FLG: variants seen among roughly 807,000 people sequenced by gnomAD.
FLG encodes epidermal filaggrin.
In FLG, 6 loss-of-function variants were observed where a neutral mutation model predicts 3.8. The ratio of observed to expected loss-of-function variants is 1.60; its 90% CI spans 0.87 to 3.15. FLG has a LOEUF of 3.15. FLG is among the 30% of genes most tolerant of loss of function. The probability of loss-of-function intolerance (pLI) is 0.00; values close to 1 mark genes in which losing one functional copy is unlikely to be tolerated. For missense variants in FLG, 7,595 were observed against 5,050.9 expected (o/e 1.50, Z -15.27); for synonymous variants, 2,551 against 1,931.6 (o/e 1.32, Z -8.41).
In FLG at chr1:152,310,678, TCTGAATGTCC is replaced by T. The variant is rs1652343052; in HGVS notation, c.4198_4207del (p.Gly1400LysfsTer43). On this transcript the variant is annotated frameshift_variant, in exon 3 of 3. Coordinates refer to ENST00000368799, the MANE Select transcript of FLG (RefSeq NM_002016.2). LOFTEE classifies it low-confidence loss of function (END_TRUNC). ...TGACACTGACTGTGTGTCTGAGTCT[TCTGAATGTCC>T]CTCACTGTTAGTGACCTGACTACCA... is the stretch of plus-strand genomic sequence containing the variant. 1 of 1,613,958 alleles carries T rather than the reference TCTGAATGTCC, an allele frequency of 6.2e-7. No homozygotes were observed. The highest frequency in any genetic ancestry group is 8.5e-7 in the Non-Finnish European group (1 of 1,180,030).
At position 152,306,380 on chromosome 1, in the gene FLG, T is replaced by G. The variant is rs11582087; in HGVS notation, c.8506A>C (p.Ser2836Arg). 196,781 of 1,512,456 alleles carry G rather than the reference T, an allele frequency of 0.13. 4 individuals carry two copies. The highest frequency in any genetic ancestry group is 0.39 in the East Asian group (16,285 of 41,436). 93.7% of individuals were successfully genotyped at this position (1,512,456 alleles called of 1,614,324 possible). A position where few individuals can be genotyped will look rare whatever the true frequency, so the allele number is the denominator to read the frequency against. The change falls in exon 3 of 3, where the codon AGT (serine) becomes CGT (arginine). Residue 2836 changes from serine (S) to arginine (R), a missense_variant. Physicochemically the swap from Ser to Arg is moderately radical, Grantham distance 110. Transcript: ENST00000368799. The stretch of plus-strand genomic sequence containing the variant: ...TCATTACGTGTTGTTCTGCTTGCAC[T>G]TCTGGATCCTGACTGCCCACGGGAG... ...DASRGQSGSR[S>R]ASRTTRNEEQ...
rs772459454 is a variant in FLG, at chr1:152,304,316, C to A, written c.10570G>T (p.Gly3524Ter). The A allele has an allele frequency of 5.0e-6, 8 of 1,611,574 alleles. No individual in the cohort carries two copies. Among genetic ancestry groups the A allele is most frequent in the Non-Finnish European group, 5.9e-6 (7 of 1,178,908 alleles). Residue 3524 changes from glycine (G) to a stop codon, truncating the protein, a stop_gained, in exon 3 of 3, where the codon GGA becomes TGA. Coordinates refer to ENST00000368799, the MANE Select transcript of FLG (RefSeq NM_002016.2). LOFTEE classifies it low-confidence loss of function (END_TRUNC). Reference protein sequence around the residue: ...DSSRHSQSGQGQSAGPRTSRN... With the variant: ...DSSRHSQSGQ The stretch of plus-strand genomic sequence containing the variant: ...CTTGTCCTGGGCCCCGCTGATTGTC[C>A]CTGGCCGGACTGTGAGTGTCTAGAG...
chr1:152,307,658 G>C lies in FLG; in HGVS notation c.7228C>G (p.Arg2410Gly). 1.9e-6 allele frequency: 3 copies of C among 1,613,400 alleles called. No individual in the cohort carries two copies. Among genetic ancestry groups the C allele is most frequent in the South Asian group, 2.2e-5 (2 of 91,016 alleles). Residue 2410 changes from arginine (R) to glycine (G), a missense_variant, in exon 3 of 3, where the codon CGT (arginine) becomes GGT (glycine). Arg to Gly is a moderately radical substitution (Grantham distance 125). Transcript: ENST00000368799. ...ACCTGGTAGAGGAAAGACCCTGAAC[G>C]TCCAGACCTTCCTGCTGACCGGCCA... ...TRGRSAGRSG[R>G]SGSFLYQVST...
At position 152,311,406 on chromosome 1, in the gene FLG, C is replaced by T; in HGVS notation, c.3480G>A (p.Glu1160=). ...RDSSRHSASQ[E]GQDTIRAHPG... is the part of the protein sequence containing the mutation. ...GGTGTGCACGAATGGTGTCCTGACC[C>T]TCTTGGGACGCTGAGTGCCTGGAGC... Residue 1160 remains glutamate (E), a synonymous_variant, in exon 3 of 3, where the codon GAG becomes GAA. Transcript: ENST00000368799. 1 of 1,613,508 alleles carries T rather than the reference C, an allele frequency of 6.2e-7. No individual in the cohort carries two copies. The highest frequency in any genetic ancestry group is 1.1e-5 in the South Asian group (1 of 91,052).
rs749135800 is a variant in FLG at position 152,308,359 on chromosome 1, C to T, written c.6527G>A (p.Arg2176Lys). Residue 2176 changes from arginine (R) to lysine (K), a missense_variant, in exon 3 of 3, where the codon AGG (arginine) becomes AAG (lysine). Arg to Lys is a conservative substitution (Grantham distance 26). Coordinates refer to ENST00000368799, the MANE Select transcript of FLG (RefSeq NM_002016.2). ...TGACTGCCCACGGGAGGCATCAGACCTTCCCTGGGATGTGGTGTGGCTGTG... is the reference window on the plus strand; with the variant it reads ...TGACTGCCCACGGGAGGCATCAGACTTTCCCTGGGATGTGGTGTGGCTGTG... The part of the protein sequence containing the change: ...SHHSHTTSQG[R>K]SDASRGQSGS... 6.2e-7 allele frequency: 1 copy of T among 1,613,770 alleles called. No individual in the cohort carries two copies. Among genetic ancestry groups the T allele is most frequent in the Non-Finnish European group, 8.5e-7 (1 of 1,179,830 alleles).
rs754137968 is a variant in FLG, at chr1:152,314,243, A to G, written c.643T>C (p.Tyr215His). The change falls in exon 3 of 3, where the codon TAT becomes CAT. Residue 215 changes from tyrosine to histidine, a missense_variant. Tyr to His is a moderately conservative substitution (Grantham distance 83, BLOSUM62 2). Transcript: ENST00000368799. Reference sequence around the variant, plus strand: ...ATTCTTCCTGTATTTTCATAATCATATACTCCTTCTTCATTGTCTTCTTTC... The same window carrying G: ...ATTCTTCCTGTATTTTCATAATCATGTACTCCTTCTTCATTGTCTTCTTTC... ...EEKEDNEEGV[Y>H]DYENTGRMTQ... 11 of 1,612,932 alleles carry G rather than the reference A, an allele frequency of 6.8e-6. No individual in the cohort carries two copies. The highest frequency in any genetic ancestry group is 3.3e-5 in the Admixed American group (2 of 59,966).
chr1:152,305,287 C>G lies in FLG; in HGVS notation c.9599G>C (p.Gly3200Ala), dbSNP rs767284364. The change falls in exon 3 of 3, where the codon GGA becomes GCA. Residue 3200 changes from glycine to alanine, a missense_variant. Physicochemically the swap from Gly to Ala is moderately conservative, Grantham distance 60. Coordinates refer to ENST00000368799, the MANE Select transcript of FLG (RefSeq NM_002016.2). ...GCTTCTCCTGGACCCCTCTGATTGT[C>G]CCTGGACTGCCTGTGAGTGTCTAGA... is the stretch of plus-strand genomic sequence containing the variant. The part of the protein sequence containing the change: ...DISRHSQAVQ[G>A]QSEGSRRSRR... 6.2e-7 allele frequency: 1 copy of G among 1,612,154 alleles called. No individual in the cohort carries two copies. Among genetic ancestry groups the G allele is most frequent in the Non-Finnish European group, 8.5e-7 (1 of 1,179,764 alleles).
rs750002465 is a variant in FLG at position 152,308,041 on chromosome 1, G to C, written c.6845C>G (p.Pro2282Arg). Residue 2282 changes from proline to arginine, a missense_variant, in exon 3 of 3, where the codon CCC becomes CGC. By Grantham distance (103) the Pro-to-Arg change is moderately radical (BLOSUM62 -2). Transcript: ENST00000368799. The stretch of plus-strand genomic sequence containing the variant: ...GGCTCTGTCTTCGTGATGGGACCTG[G>C]GGTGTCTGGAGCCATCTCTTGACTG... ...QEQSRDGSRH[P>R]RSHHEDRAGH... 3 of 1,614,148 alleles carry C rather than the reference G, an allele frequency of 1.9e-6. No individual in the cohort carries two copies. The highest frequency in any genetic ancestry group is 2.2e-5 in the East Asian group (1 of 44,874).
rs199927704 is a variant in FLG at position 152,310,603 on chromosome 1, C to T, written c.4283G>A (p.Arg1428His). 9.3e-5 allele frequency: 150 copies of T among 1,613,988 alleles called. No homozygotes were observed. The South Asian group carries it at 1.2e-3, about 13-fold the overall frequency. The change falls in exon 3 of 3, where the codon CGT (arginine) becomes CAT (histidine). Residue 1428 changes from arginine to histidine, a missense_variant. Coordinates refer to ENST00000368799, the MANE Select transcript of FLG (RefSeq NM_002016.2). ...TCCAGAGCTTTCCCCTGACTGGCCA[C>T]GTGCGGACTCTTTGTGGCTCTGCTG... The part of the protein sequence containing the change: ...PHQQSHKESA[R>H]GQSGESSGRS...
rs1285546104 is a variant in FLG, at chr1:152,303,190, G to C, written c.11696C>G (p.Ser3899Cys). The C allele has an allele frequency of 1.7e-5, 27 of 1,614,100 alleles. No individual in the cohort carries two copies. Among genetic ancestry groups the C allele is most frequent in the Non-Finnish European group, 2.2e-5 (26 of 1,180,032 alleles). ...GSSREQSRDG[S>C]RHPGSSHRDT... The stretch of plus-strand genomic sequence containing the variant: ...GCGGTGAGAGGATCCGGGGTGTCTG[G>C]AGCCATCTCTTGACTGCTCCCGAGA... The change falls in exon 3 of 3, where the codon TCC (serine) becomes TGC (cysteine). Residue 3899 changes from serine to cysteine, a missense_variant. By Grantham distance (112) the Ser-to-Cys change is moderately radical. Transcript: ENST00000368799.
At position 152,314,443 on chromosome 1, in the gene FLG, CCT is replaced by C. The variant is rs776289194; in HGVS notation, c.441_442del (p.Gly149GlufsTer4). 31 of 1,613,448 alleles carry C rather than the reference CCT, an allele frequency of 1.9e-5. No homozygotes were observed. Among genetic ancestry groups the C allele is most frequent in the East Asian group, 8.9e-5 (4 of 44,864 alleles). On this transcript the variant is annotated frameshift_variant, in exon 3 of 3. Transcript: ENST00000368799. LOFTEE classifies it low-confidence loss of function (END_TRUNC). ...AGAACTAGATTCATGCCTTTTCCCC[CCT>C]GTTTCTCTTGGGCTCTTGGATCTTC...
At position 152,313,038 on chromosome 1, in the gene FLG, G is replaced by A; in HGVS notation, c.1848C>T (p.Asn616=). 2 of 1,613,916 alleles carry A rather than the reference G, an allele frequency of 1.2e-6. No homozygotes were observed. The highest frequency in any genetic ancestry group is 8.5e-7 in the Non-Finnish European group (1 of 1,180,000). ...GQSSGPRTSR[N]QGSSVSQDSD... is the part of the protein sequence containing the mutation. The stretch of plus-strand genomic sequence containing the variant: ...TGTCCTGGCTAACACTGGATCCCTG[G>A]TTCCTACTTGTCCTGGGCCCCGATG... Residue 616 remains asparagine, a synonymous_variant, in exon 3 of 3, where the codon AAC becomes AAT. Coordinates refer to ENST00000368799, the MANE Select transcript of FLG (RefSeq NM_002016.2).
In FLG at chr1:152,307,983, T is replaced by C. The variant is rs1652095533; in HGVS notation, c.6903A>G (p.Gln2301=). Residue 2301 remains glutamine (Q), a synonymous_variant, in exon 3 of 3, where the codon CAA becomes CAG. Transcript: ENST00000368799. ...AATTCTCTGCATGATGAGTGCCTGA[T>C]TGTCTGGAGCTCTCTGCAGAGTGCC... ...GHGHSAESSR[Q]SGTHHAENSS... is the part of the protein sequence containing the mutation. The C allele has an allele frequency of 8.7e-6, 14 of 1,614,038 alleles. No individual in the cohort carries two copies. The highest frequency in any genetic ancestry group is 2.2e-5 in the East Asian group (1 of 44,892).
Position 152,305,101 on chromosome 1 carries a change from G to A in FLG, c.9785C>T (p.Ala3262Val). The part of the protein sequence containing the change: ...RHPRSHHEDR[A>V]GHGHSADRSR... Reference sequence around the variant, plus strand: ...GCGGTCTGCAGAGTGCCCGTGACCGGCTCTGTCTTCGTGATGGGACCTGGG... The same window carrying A: ...GCGGTCTGCAGAGTGCCCGTGACCGACTCTGTCTTCGTGATGGGACCTGGG... The change falls in exon 3 of 3, where the codon GCC (alanine) becomes GTC (valine). Residue 3262 changes from alanine to valine, a missense_variant. Ala to Val is a moderately conservative substitution (Grantham distance 64). Transcript: ENST00000368799. 1.9e-6 allele frequency: 3 copies of A among 1,613,952 alleles called. No homozygotes were observed. Among genetic ancestry groups the A allele is most frequent in the Non-Finnish European group, 2.5e-6 (3 of 1,179,970 alleles).
At position 152,302,955 on chromosome 1, in the gene FLG, G is replaced by A; in HGVS notation, c.11931C>T (p.Gly3977=). 6.2e-7 allele frequency: 1 copy of A among 1,614,146 alleles called. No homozygotes were observed. The highest frequency in any genetic ancestry group is 8.5e-7 in the Non-Finnish European group (1 of 1,180,008). Reference sequence around the variant, plus strand: ...AATCATAATCTGCACTACCATAGCTGCCATGTCTCCAAACTAAACCTGATT... The same window carrying A: ...AATCATAATCTGCACTACCATAGCTACCATGTCTCCAAACTAAACCTGATT... ...KGQSGLVWRH[G]SYGSADYDYG... Residue 3977 remains glycine, a synonymous_variant, in exon 3 of 3, where the codon GGC becomes GGT. Coordinates refer to ENST00000368799, the MANE Select transcript of FLG (RefSeq NM_002016.2).
At position 152,303,487 on chromosome 1, in the gene FLG, G is replaced by A. The variant is rs1427293771; in HGVS notation, c.11399C>T (p.Ser3800Phe). Residue 3800 changes from serine to phenylalanine, a missense_variant, in exon 3 of 3, where the codon TCC becomes TTC. Coordinates refer to ENST00000368799, the MANE Select transcript of FLG (RefSeq NM_002016.2). ...HTTSQGRSDASHGQSGSRSAS... is the reference protein window; with the variant it reads ...HTTSQGRSDAFHGQSGSRSAS... Reference sequence around the variant, plus strand: ...ACTTCTGGATCCTGACTGCCCATGGGAGGCATCAGACCTTCCCTGGGATGT... The same window carrying A: ...ACTTCTGGATCCTGACTGCCCATGGAAGGCATCAGACCTTCCCTGGGATGT... The A allele has an allele frequency of 1.2e-6, 2 of 1,614,058 alleles. No homozygotes were observed. Among genetic ancestry groups the A allele is most frequent in the East Asian group, 4.5e-5 (2 of 44,866 alleles).
Position 152,303,916 on chromosome 1 carries a change from C to T in FLG, c.10970G>A (p.Arg3657Gln), listed in dbSNP as rs201687214. The T allele has an allele frequency of 1.2e-5, 20 of 1,613,826 alleles. No homozygotes were observed. In the Admixed American group the frequency reaches 1.3e-4, roughly 11 times the overall value. Residue 3657 changes from arginine to glutamine, a missense_variant, in exon 3 of 3, where the codon CGA (arginine) becomes CAA (glutamine). By Grantham distance (43) the Arg-to-Gln change is conservative. Transcript: ENST00000368799. The part of the protein sequence containing the change: ...ASSAVRDSGH[R>Q]GSSGSQASDS... ...ACTGGCCTGACTACCACTGGACCCT[C>T]GGTGTCCACTGTCTCTGACTGCAGA...
Position 152,310,723 on chromosome 1 carries a change from C to G in FLG, c.4163G>C (p.Arg1388Pro). 1 of 1,614,016 alleles carries G rather than the reference C, an allele frequency of 6.2e-7. No individual in the cohort carries two copies. The highest frequency in any genetic ancestry group is 8.5e-7 in the Non-Finnish European group (1 of 1,180,022). Residue 1388 changes from arginine (R) to proline (P), a missense_variant, in exon 3 of 3, where the codon CGA (arginine) becomes CCA (proline). By Grantham distance (103) the Arg-to-Pro change is moderately radical. Coordinates refer to ENST00000368799, the MANE Select transcript of FLG (RefSeq NM_002016.2). ...ASSAVRDSGH[R>P]GSSGSQVTNS... ...AGTGACCTGACTACCACTGGACCCT[C>G]GGTGTCCACTGTCTCTGACTGCAGA...
At position 152,303,106 on chromosome 1, in the gene FLG, T is replaced by A; in HGVS notation, c.11780A>T (p.Glu3927Val). ...PVQSDSSTAK[E>V]HGHFSSLSQD... is the part of the protein sequence containing the mutation. The stretch of plus-strand genomic sequence containing the variant: ...TGAAAGACTACTAAAGTGACCATGT[T>A]CCTTAGCGGTACTAGAGTCTGACTG... Residue 3927 changes from glutamate (E) to valine (V), a missense_variant, in exon 3 of 3, where the codon GAA becomes GTA. By Grantham distance (121) the Glu-to-Val change is moderately radical. Transcript: ENST00000368799. The A allele has an allele frequency of 6.2e-7, 1 of 1,614,178 alleles. No individual in the cohort carries two copies.
Sources: allele counts gnomAD v4.1 joint callset, GRCh38; gene constraint gnomAD v4.1.1; transcripts MANE v1.5; gene names NCBI Gene and HGNC (gene_info 2026-07-23, HGNC 2026-07-21).